Variants in TULP4 observed in about 807,000 individuals in gnomAD.
The protein encoded by TULP4 is tubby-related protein 4.
A neutral mutation model predicts 129.0 loss-of-function variants in TULP4; 16 were observed. The ratio of observed to expected loss-of-function variants is 0.12; its 90% confidence interval spans 0.08 to 0.19. The LOEUF (loss-of-function observed/expected upper bound fraction) is 0.19, where lower values mean the gene tolerates loss of function less well. TULP4 is among the 10% of genes least tolerant of loss of function. The pLI is 1.00. For missense variants in TULP4, 1,842 were observed against 2,059.1 expected (o/e 0.89, Z 2.04); for synonymous variants, 998 against 854.0 (o/e 1.17, Z -2.94).
Position 158,498,800 on chromosome 6 carries a change from G to T in TULP4, c.2002G>T (p.Asp668Tyr), listed in dbSNP as rs772732410. 4 of 1,614,196 alleles carry T rather than the reference G, an allele frequency of 2.5e-6. No homozygotes were observed. ...CCCAAATGTTTTCAGTGAAGATGAA[G>T]ATGATTTACCAGGTGTGTTCACATA... The part of the protein sequence containing the change: ...FNPNVFSEDE[D>Y]DLPVTGASGV... The change falls in exon 12 of 14, where the codon GAT becomes TAT. Residue 668 changes from aspartate (D) to tyrosine (Y), a missense_variant. Asp to Tyr is a radical substitution (Grantham distance 160, BLOSUM62 -3). This residue lies in a region of TULP4 where 99 missense variants were observed against 165.1 expected (regional missense o/e 0.60). Transcript: ENST00000367097.
intron 1 of TULP4, among the ~76,000 whole-genome samples, chr6:158,364,148 TAAA>T (rs201915683): frequency 6.6e-6 from 1 of 152,168 alleles, no homozygotes; most frequent in Non-Finnish European, 1.5e-5. Flanking sequence ...TTTTTAAATT[TAAA>T]AAAATAATTT....
chr6:158,297,781 C>T (rs561941505), intron 1 of TULP4, among the ~76,000 whole-genome samples: 15 of 152,204 alleles, frequency 9.9e-5, no homozygotes, highest in South Asian at 8.3e-4. Context: ...CTATGTTTAG[C>T]GGTGCACGTA....
intron 1 of TULP4, among the ~76,000 whole-genome samples, chr6:158,363,394 C>T (rs112291341): frequency 0.013 from 1,956 of 152,240 alleles, 44 homozygotes; most frequent in African/African-American, 0.045. Context: ...TTTTTTTATT[C>T]ACTTAGAGTA....
At chr6:158,294,502 A>G (rs1778996432) in intron 1 of TULP4, among the ~76,000 whole-genome samples, 1 of 152,154 alleles carries the variant, frequency 6.6e-6, no homozygotes, top group South Asian at 2.1e-4. Context: ...AGAGGAGGAA[A>G]AGGGACAGAA....
intron 1 of TULP4, among the ~76,000 whole-genome samples, chr6:158,356,007 G>A (rs753459628): frequency 2.6e-5 from 4 of 152,178 alleles, no homozygotes; most frequent in Non-Finnish European, 5.9e-5. Context: ...GATTTTTGGG[G>A]TGAGAAATCT....
At chr6:158,487,887 A>G (rs1476290548) in intron 8 of TULP4, among the ~76,000 whole-genome samples, 1 of 152,226 alleles carries the variant, frequency 6.6e-6, no homozygotes, top group African/African-American at 2.4e-5. Flanking sequence ...GTATTGTTCT[A>G]GTCTCTGGGG....
At chr6:158,348,909 A>AG (rs1780392687) in intron 1 of TULP4, among the ~76,000 whole-genome samples, 1 of 16,318 alleles carries the variant, frequency 6.1e-5, no homozygotes, top group Non-Finnish European at 1.2e-4. Flanking sequence ...TCCCAGACGA[A>AG]GGGCGGCCGG....
intron 1 of TULP4, among the ~76,000 whole-genome samples, chr6:158,260,173 A>C (rs1163157091): frequency 2.6e-5 from 4 of 152,174 alleles, no homozygotes; most frequent in Non-Finnish European, 4.4e-5. Context: ...CTGTCACCTC[A>C]TTAGTGCAGA....
intron 1 of TULP4, among the ~76,000 whole-genome samples, chr6:158,411,319 G>A (rs1206407726): frequency 1.3e-5 from 2 of 152,154 alleles, no homozygotes; most frequent in African/African-American, 2.4e-5. Flanking sequence ...GCACAGACCT[G>A]TGGGGGGTGG....
intron 3 of TULP4, among the ~76,000 whole-genome samples, chr6:158,436,392 G>A (rs954330162): frequency 1.3e-5 from 2 of 152,178 alleles, no homozygotes; most frequent in Admixed American, 6.5e-5. Flanking sequence ...CTTGAAGGGA[G>A]GTTAATGGTT....
chr6:158,383,504 T>A (rs1332526261), intron 1 of TULP4, among the ~76,000 whole-genome samples: 2 of 152,200 alleles, frequency 1.3e-5, no homozygotes, highest in East Asian at 3.8e-4. Context: ...AGTTGCCTAT[T>A]TTCAAAGTTG....
chr6:158,317,042 C>T (rs73794575), intron 1 of TULP4, among the ~76,000 whole-genome samples: 155 of 152,344 alleles, frequency 1.0e-3, no homozygotes, highest in African/African-American at 3.6e-3. Flanking sequence ...GAGGGGATTA[C>T]ACTGGGTGTG....
At chr6:158,477,853 A>C (rs747464316) in intron 6 of TULP4, among the ~76,000 whole-genome samples, 93 of 152,240 alleles carry the variant, frequency 6.1e-4, no homozygotes, top group Non-Finnish European at 1.1e-3. Flanking sequence ...TATGGAATCA[A>C]CCTAAATGCC....
rs11373437 is a variant in TULP4 at position 158,363,062 on chromosome 6, C to CAAAAAAAA, written c.252+48809_252+48816dup. Reference sequence around the variant, plus strand: ...GGGGGGACAGAGCGAGACTCCATCTCAAAAAAAAAAAAAAAAAAAAAAGTC... The same window carrying CAAAAAAAA: ...GGGGGGACAGAGCGAGACTCCATCTCAAAAAAAAAAAAAAAAAAAAAAAAAAAAAAGTC... On this transcript the variant is annotated intron_variant, in intron 1 of 13. Coordinates refer to ENST00000367097, the MANE Select transcript of TULP4 (RefSeq NM_020245.5). 3.4e-5 allele frequency among the ~76,000 whole-genome samples: 3 copies of CAAAAAAAA among 88,012 alleles called. 1 individual carries two copies. The highest frequency in any genetic ancestry group is 6.4e-5 in the Non-Finnish European group (3 of 46,656). The allele number at this position is 88,012 out of a possible 152,430, so 57.7% of individuals were successfully genotyped here.
At chr6:158,349,565 C>T (rs12210851) in intron 1 of TULP4, among the ~76,000 whole-genome samples, 17,288 of 125,382 alleles carry the variant, frequency 0.14, 2,258 homozygotes, top group East Asian at 0.41. Flanking sequence ...GATGGGTGGC[C>T]GGGCAGAGGC....
rs1316310852 is a variant in TULP4, at chr6:158,263,430, T to C, written n.68+31127T>C. 4.6e-5 allele frequency among the ~76,000 whole-genome samples: 7 copies of C among 152,348 alleles called. No homozygotes were observed. In the East Asian group the frequency reaches 5.8e-4, roughly 13 times the overall value. On this transcript the variant is annotated intron_variant and non_coding_transcript_variant, in intron 1 of 1. Coordinates refer to the TULP4 transcript ENST00000620026. ...GTAACTCCTGAGCTGCTAAAGACTT[T>C]ATTCCTTTGTGAAAAATACTCTAGA...
At chr6:158,323,984 A>G (rs556698182) in intron 1 of TULP4, among the ~76,000 whole-genome samples, 6 of 152,188 alleles carry the variant, frequency 3.9e-5, no homozygotes, top group Non-Finnish European at 5.9e-5. Context: ...CTAAGAACCT[A>G]TCCTTGAAGT....
intron 1 of TULP4, among the ~76,000 whole-genome samples, chr6:158,347,200 T>G (rs1780333936): frequency 6.6e-6 from 1 of 152,232 alleles, no homozygotes; most frequent in Non-Finnish European, 1.5e-5. Flanking sequence ...AAGCATAGTT[T>G]TTTAGTTCAT....
chr6:158,505,340 G>C (rs960700588), intron 13 of TULP4, among the ~76,000 whole-genome samples: 1 of 152,244 alleles, frequency 6.6e-6, no homozygotes, highest in African/African-American at 2.4e-5. Context: ...CCCAGGGTTG[G>C]CATACTGGCC....
Sources: allele counts gnomAD v4.1 joint callset (sites outside exome capture counted in the v4.1 genomes callset), GRCh38; gene constraint gnomAD v4.1.1; regional missense constraint gnomAD v4.1.1; transcripts MANE v1.5; gene names NCBI Gene and HGNC (gene_info 2026-07-23, HGNC 2026-07-21).